FBXW10B: variants seen among roughly 807,000 people sequenced by gnomAD.
FBXW10B encodes the protein F-box and WD repeat domain containing protein 10B.
the FBXW10B span, chr17:15,613,923 G>C: frequency 0.2 from 270,717 of 1,327,302 alleles, 53,769 homozygotes; most frequent in East Asian, 0.42. Context: ...ATGTCATCCA[G>C]GTCAACCAAT....
At chr17:15,605,418 T>C in the FBXW10B span, 2 of 1,526,556 alleles carry the variant, frequency 1.3e-6, no homozygotes, top group East Asian at 4.7e-5. Context: ...TCGGTTTTGA[T>C]CCCACCTGAG....
At chr17:15,585,945 T>TC in the FBXW10B span, among the ~76,000 whole-genome samples, 30 of 143,936 alleles carry the variant, frequency 2.1e-4, no homozygotes, top group African/African-American at 6.4e-4. Context: ...ATTTTCTTCT[T>TC]TTTTTTTTTT....
chr17:15,586,292 T>G, the FBXW10B span, among the ~76,000 whole-genome samples: 2 of 151,676 alleles, frequency 1.3e-5, no homozygotes, highest in Non-Finnish European at 2.9e-5. Context: ...TGTAAACTGC[T>G]GATTTGGGGG....
the FBXW10B span, among the ~76,000 whole-genome samples, chr17:15,612,233 C>T: frequency 4.3e-4 from 66 of 152,164 alleles, no homozygotes; most frequent in East Asian, 2.1e-3. Flanking sequence ...TCGGGCTGGG[C>T]GCGGTGGCTC....
At chr17:15,566,017 T>C in the FBXW10B span, 1 of 1,610,786 alleles carries the variant, frequency 6.2e-7, no homozygotes. Context: ...CAAGTTGGGC[T>C]GCAGTTTCTG....
the FBXW10B span, chr17:15,594,907 C>T: frequency 1.2e-6 from 2 of 1,613,172 alleles, no homozygotes; most frequent in Non-Finnish European, 1.7e-6. Context: ...GAAAAGATAC[C>T]ACTGTCTTCA....
the FBXW10B span, among the ~76,000 whole-genome samples, chr17:15,575,956 T>A: frequency 0.017 from 2,656 of 152,256 alleles, 85 homozygotes; most frequent in African/African-American, 0.059. Context: ...AAACACATTA[T>A]GTCAAATTCT....
chr17:15,597,881 A>G, the FBXW10B span, among the ~76,000 whole-genome samples: 1 of 152,208 alleles, frequency 6.6e-6, no homozygotes, highest in Non-Finnish European at 1.5e-5. Context: ...ATTCCCCACT[A>G]CACAGATGAG....
the FBXW10B span, among the ~76,000 whole-genome samples, chr17:15,617,266 C>A: frequency 2.0e-5 from 3 of 152,104 alleles, no homozygotes; most frequent in African/African-American, 4.8e-5. Context: ...CTTTAAAATT[C>A]TTTTGGATTC....
chr17:15,574,265 T>C, the FBXW10B span: 6 of 598,258 alleles, frequency 1.0e-5, no homozygotes, highest in East Asian at 2.8e-5. Flanking sequence ...AAAAAAATGA[T>C]TGTCTTATCA....
At chr17:15,566,380 T>TA in the FBXW10B span, 1 of 1,372,428 alleles carries the variant, frequency 7.3e-7, no homozygotes. Context: ...AAGAAAATTT[T>TA]AAAAAATCGG....
the FBXW10B span, among the ~76,000 whole-genome samples, chr17:15,607,874 T>C: frequency 6.7e-6 from 1 of 148,914 alleles, no homozygotes; most frequent in Non-Finnish European, 1.5e-5. Flanking sequence ...TAGAAAATGT[T>C]GGGTCAAGGT....
At chr17:15,589,997 G>T in the FBXW10B span, among the ~76,000 whole-genome samples, 20 of 152,156 alleles carry the variant, frequency 1.3e-4, no homozygotes, top group Non-Finnish European at 2.8e-4. Flanking sequence ...TGTGTGTTCT[G>T]TGATAAACCT....
At chr17:15,606,651 A>ATG in the FBXW10B span, among the ~76,000 whole-genome samples, 4 of 145,650 alleles carry the variant, frequency 2.7e-5, no homozygotes, top group South Asian at 2.1e-4. Context: ...GTGTATATAT[A>ATG]TATGTGTGTG....
At chr17:15,597,483 A>AAAAT in the FBXW10B span, among the ~76,000 whole-genome samples, 1 of 150,494 alleles carries the variant, frequency 6.6e-6, no homozygotes, top group Admixed American at 6.6e-5. Context: ...AAAAAAAAAA[A>AAAAT]TTAGCTGGGC....
At chr17:15,605,530 C>T in the FBXW10B span, 1 of 1,391,614 alleles carries the variant, frequency 7.2e-7, no homozygotes, top group Non-Finnish European at 9.6e-7. Context: ...AAAGGAAAAT[C>T]CAGGGCCTTT....
At chr17:15,580,675 T>C in the FBXW10B span, among the ~76,000 whole-genome samples, 2 of 145,328 alleles carry the variant, frequency 1.4e-5, no homozygotes, top group African/African-American at 2.5e-5. Flanking sequence ...TTATTTCATC[T>C]GTTCTTTCTT....
At chr17:15,568,202 C>T in the FBXW10B span, among the ~76,000 whole-genome samples, 6 of 152,206 alleles carry the variant, frequency 3.9e-5, no homozygotes, top group Non-Finnish European at 8.8e-5. Flanking sequence ...TAAAAGGACA[C>T]TAAGTGTTGT....
the FBXW10B span, among the ~76,000 whole-genome samples, chr17:15,600,073 G>A: frequency 5.9e-5 from 9 of 151,724 alleles, no homozygotes; most frequent in Middle Eastern, 6.8e-3. Context: ...AACATTAGCC[G>A]GGCGTGGTGG....
Sources: allele counts gnomAD v4.1 joint callset (sites outside exome capture counted in the v4.1 genomes callset), GRCh38; gene constraint gnomAD v4.1.1; transcripts MANE v1.5; gene names NCBI Gene and HGNC (gene_info 2026-07-23, HGNC 2026-07-21).